AAMDC: variants seen among roughly 807,000 people sequenced by gnomAD.
The protein encoded by AAMDC is adipogenesis associated Mth938 domain containing.
AAMDC carries 16 observed loss-of-function variants against 15.5 expected under a neutral mutation model. That is an observed-to-expected ratio of 1.03 (90% CI 0.70 to 1.57). AAMDC has a LOEUF of 1.57. AAMDC is among the 40% of genes most tolerant of loss of function. AAMDC has a pLI of 0.00. For missense variants in AAMDC, 141 were observed against 144.9 expected (o/e 0.97, Z 0.14); for synonymous variants, 51 against 51.6 (o/e 0.99, Z 0.05).
chr11:77,862,182 T>C (rs1590965706), intron 2 of AAMDC, among the ~76,000 whole-genome samples: 2 of 152,348 alleles, frequency 1.3e-5, no homozygotes, highest in Non-Finnish European at 2.9e-5. Flanking sequence ...CACTGGGAAC[T>C]GCCTGCTGGC....
chr11:77,841,517 G>C (rs1949930279), intron 1 of AAMDC, among the ~76,000 whole-genome samples: 1 of 152,186 alleles, frequency 6.6e-6, no homozygotes, highest in African/African-American at 2.4e-5. Context: ...GGAACACTGT[G>C]TGTACAGGGG....
intron 5 of AAMDC, among the ~76,000 whole-genome samples, chr11:77,899,286 G>A (rs1418782707): frequency 2.1e-5 from 1 of 47,802 alleles, no homozygotes; most frequent in Admixed American, 2.4e-4. Context: ...TTAGAATTAG[G>A]GTGCATAACT....
At position 77,856,142 on chromosome 11, in the gene AAMDC, C is replaced by T. The variant is rs1353814959; in HGVS notation, c.132+13514C>T. Among the ~76,000 whole-genome samples the T allele has an allele frequency of 2.6e-5, 4 of 152,140 alleles. No individual in the cohort carries two copies. In the East Asian group the frequency reaches 5.8e-4, roughly 22 times the overall value. ...CAAAAAAAAGAAGAAAGGTCTTCCA[C>T]CAGATACCCTAAATCATCACTCTCA... On this transcript the variant is annotated intron_variant, in intron 2 of 3. Coordinates refer to ENST00000393427, the MANE Select transcript of AAMDC (RefSeq NM_024684.4).
At chr11:77,844,314 C>T (rs921772277) in intron 2 of AAMDC, among the ~76,000 whole-genome samples, 2 of 152,090 alleles carry the variant, frequency 1.3e-5, no homozygotes, top group South Asian at 4.1e-4. Context: ...TTTTAAAGGA[C>T]ACACATATTA....
chr11:77,887,977 T>C (rs567052302), intron 5 of AAMDC, among the ~76,000 whole-genome samples: 2 of 152,260 alleles, frequency 1.3e-5, no homozygotes, highest in South Asian at 2.1e-4. Flanking sequence ...AGAATCAATA[T>C]TGTGAAAATG....
intron 5 of AAMDC, among the ~76,000 whole-genome samples, chr11:77,888,966 C>T (rs1163202208): frequency 6.6e-6 from 1 of 152,210 alleles, no homozygotes; most frequent in African/African-American, 2.4e-5. Context: ...AACACTTTTA[C>T]ACTGTTGGTG....
chr11:77,865,441 G>A (rs1441388958), intron 2 of AAMDC, among the ~76,000 whole-genome samples: 1 of 152,142 alleles, frequency 6.6e-6, no homozygotes, highest in Non-Finnish European at 1.5e-5. Flanking sequence ...GGCATGGCAG[G>A]GCTCTAACTT....
intron 5 of AAMDC, among the ~76,000 whole-genome samples, chr11:77,881,911 G>GTT (rs951135442): frequency 6.9e-6 from 1 of 144,996 alleles, no homozygotes; most frequent in Non-Finnish European, 1.5e-5. Context: ...GTTTCTGATG[G>GTT]TTTTTTTTTT....
intron 3 of AAMDC, among the ~76,000 whole-genome samples, chr11:77,871,244 CAG>C (rs549108747): frequency 1.5e-3 from 225 of 152,220 alleles, no homozygotes; most frequent in Middle Eastern, 6.8e-3. Flanking sequence ...CTTTCTGAGG[CAG>C]AGTCTAATTA....
At chr11:77,882,190 CA>C (rs569590112) in intron 5 of AAMDC, among the ~76,000 whole-genome samples, 238 of 152,270 alleles carry the variant, frequency 1.6e-3, no homozygotes, top group African/African-American at 5.1e-3. Flanking sequence ...ATTACAGGTA[CA>C]AGCCACCAGG....
intron 5 of AAMDC, chr11:77,891,379 G>A (rs758705924): frequency 1.9e-6 from 3 of 1,611,858 alleles, no homozygotes; most frequent in Middle Eastern, 3.4e-4. Context: ...CAACATCCAG[G>A]GCAACCACCA....
At chr11:77,889,811 A>G (rs918031559) in intron 5 of AAMDC, among the ~76,000 whole-genome samples, 10 of 152,180 alleles carry the variant, frequency 6.6e-5, no homozygotes, top group African/African-American at 9.7e-5. Context: ...CCTATAAGGT[A>G]TCTAAAAGGT....
intron 2 of AAMDC, among the ~76,000 whole-genome samples, chr11:77,849,022 G>A (rs559355646): frequency 8.0e-4 from 120 of 150,804 alleles, no homozygotes; most frequent in African/African-American, 2.7e-3. Flanking sequence ...CAAACTCCTG[G>A]CCTAAAGTGG....
At chr11:77,894,643 A>T (rs904621110) in intron 5 of AAMDC, among the ~76,000 whole-genome samples, 2 of 152,330 alleles carry the variant, frequency 1.3e-5, no homozygotes, top group Middle Eastern at 6.8e-3. Flanking sequence ...GAAGCATAGC[A>T]TGTGGGCAGT....
At chr11:77,888,709 A>G (rs1350896305) in intron 5 of AAMDC, among the ~76,000 whole-genome samples, 2 of 152,210 alleles carry the variant, frequency 1.3e-5, no homozygotes, top group Non-Finnish European at 2.9e-5. Context: ...ATCTACAATG[A>G]ACTCAAACAA....
downstream of AAMDC, among the ~76,000 whole-genome samples, chr11:77,902,817 C>T (rs1952818090): frequency 1.3e-5 from 2 of 152,164 alleles, 1 homozygote; most frequent in Admixed American, 1.3e-4. Flanking sequence ...AAGAAATAAA[C>T]TAGAGACAAA....
chr11:77,822,445 GCAAGGTA>G (rs1223451388), intron 1 of AAMDC, among the ~76,000 whole-genome samples: 1 of 142,844 alleles, frequency 7.0e-6, no homozygotes, highest in Non-Finnish European at 1.5e-5. Context: ...AGAATTTGAA[GCAAGGTA>G]CAACACAAAC....
At chr11:77,842,350 A>T in intron 1 of AAMDC, 129 bp from the exon 2 acceptor site, 1 of 867,902 alleles carries the variant, frequency 1.2e-6, no homozygotes, top group Non-Finnish European at 1.7e-6. Context: ...TCTAAAGAAG[A>T]AGTAACAACC....
chr11:77,863,368 G>A (rs1950966944), intron 2 of AAMDC, among the ~76,000 whole-genome samples: 3 of 152,146 alleles, frequency 2.0e-5, no homozygotes, highest in Admixed American at 6.5e-5. Flanking sequence ...TGGACGGTGA[G>A]CGAAAACTCA....
Sources: gnomAD v4.1 joint callset for allele counts (sites outside exome capture counted in the v4.1 genomes callset) on GRCh38, gnomAD v4.1.1 for gene constraint, MANE v1.5 for transcripts, NCBI Gene and HGNC (gene_info 2026-07-23, HGNC 2026-07-21) for gene names.